Variants in CAP2 observed in about 807,000 individuals in gnomAD.
The protein encoded by CAP2 is adenylyl cyclase-associated protein 2.
CAP2 carries 24 observed loss-of-function variants against 57.7 expected under a neutral mutation model. The observed-to-expected ratio is 0.42, with a 90% CI of 0.30 to 0.58. The LOEUF is 0.58. Ranked by LOEUF, CAP2 falls within the 20% of genes least tolerant of loss-of-function variation. The pLI is 0.22. For missense variants in CAP2, 501 were observed against 590.3 expected, an observed-to-expected ratio of 0.85 and a Z score of 1.57; for synonymous variants, 194 against 207.2, an observed-to-expected ratio of 0.94 and a Z score of 0.55.
At chr6:17,459,042 G>A (rs886333600) in intron 3 of CAP2, among the ~76,000 whole-genome samples, 6 of 152,134 alleles carry the variant, frequency 3.9e-5, no homozygotes, top group African/African-American at 1.4e-4. Context: ...ACATTCCTTA[G>A]GGGAAACGAA....
At chr6:17,527,631 C>G (rs1397426239) in intron 7 of CAP2, among the ~76,000 whole-genome samples, 9 of 128,714 alleles carry the variant, frequency 7.0e-5, no homozygotes, top group Non-Finnish European at 1.4e-4. Context: ...AAGTCTTGCT[C>G]TGTCGCCCAG....
At chr6:17,523,919 C>T (rs369282697) in intron 7 of CAP2, among the ~76,000 whole-genome samples, 46 of 152,128 alleles carry the variant, frequency 3.0e-4, no homozygotes, top group East Asian at 2.1e-3. Flanking sequence ...ACTAAAAATA[C>T]AAAAATTAGC....
At chr6:17,486,461 C>A (rs904054752) in intron 4 of CAP2, among the ~76,000 whole-genome samples, 1 of 152,042 alleles carries the variant, frequency 6.6e-6, no homozygotes, top group Non-Finnish European at 1.5e-5. Flanking sequence ...AAAAAATTAG[C>A]CCGGCATGGT....
chr6:17,430,271 G>T (rs1045254660), intron 3 of CAP2, among the ~76,000 whole-genome samples: 23 of 152,296 alleles, frequency 1.5e-4, no homozygotes, highest in Non-Finnish European at 2.9e-5. Context: ...GAAAAGATTA[G>T]AACTTGTAAA....
At chr6:17,530,693 A>G (rs1191673013) in intron 7 of CAP2, among the ~76,000 whole-genome samples, 1 of 152,196 alleles carries the variant, frequency 6.6e-6, no homozygotes, top group East Asian at 1.9e-4. Context: ...GTGGCTCACA[A>G]CAGTACTACC....
In CAP2 at chr6:17,531,481, T is replaced by G. The variant is rs569301495; in HGVS notation, c.637-7788T>G. On this transcript the variant is annotated intron_variant, in intron 7 of 12. Transcript: ENST00000229922. The stretch of plus-strand genomic sequence containing the variant: ...TATATTCCTTGTGATAGTGCTTCGC[T>G]TTTTCATAGATAAGCTTCTTCCTTG... 4 of 1,496,884 alleles carry G rather than the reference T, an allele frequency of 2.7e-6. No individual in the cohort carries two copies. The East Asian group carries it at 9.0e-5, about 34-fold the overall frequency. 92.7% of individuals were successfully genotyped at this position (1,496,884 alleles called of 1,614,324 possible).
chr6:17,422,760 C>T (rs1759482548), intron 2 of CAP2, among the ~76,000 whole-genome samples: 1 of 152,132 alleles, frequency 6.6e-6, no homozygotes, highest in South Asian at 2.1e-4. Context: ...CCACATATGG[C>T]AAGCTCTCCA....
chr6:17,405,498 GTCTCTCTCTCTCTC>G (rs57158664), intron 1 of CAP2, among the ~76,000 whole-genome samples: 93 of 148,514 alleles, frequency 6.3e-4, no homozygotes, highest in African/African-American at 1.8e-3. Flanking sequence ...TGAATGTGGA[GTCTCTCTCTCTCTC>G]TCTCTCTCTC....
At chr6:17,420,703 A>G (rs1215385263) in intron 1 of CAP2, among the ~76,000 whole-genome samples, 1 of 152,218 alleles carries the variant, frequency 6.6e-6, no homozygotes, top group Non-Finnish European at 1.5e-5. Flanking sequence ...TAAGTGCTGT[A>G]CATAGATTGT....
intron 4 of CAP2, among the ~76,000 whole-genome samples, chr6:17,491,843 G>A (rs1395959399): frequency 2.0e-5 from 3 of 152,214 alleles, no homozygotes; most frequent in African/African-American, 2.4e-5. Context: ...AGTACAGTGC[G>A]TGATTTATAG....
chr6:17,489,932 C>G (rs1328753952), intron 4 of CAP2, among the ~76,000 whole-genome samples: 2 of 151,994 alleles, frequency 1.3e-5, no homozygotes, highest in African/African-American at 4.8e-5. Flanking sequence ...TTGAGGTTGT[C>G]AAATACAGGA....
intron 2 of CAP2, among the ~76,000 whole-genome samples, chr6:17,426,294 G>A (rs543108295): frequency 1.0e-4 from 15 of 147,404 alleles, no homozygotes; most frequent in African/African-American, 2.8e-4. Context: ...GTGCAGTGGC[G>A]CGATCTCGAC....
At chr6:17,504,996 T>A (rs1353955170) in intron 4 of CAP2, among the ~76,000 whole-genome samples, 1 of 152,306 alleles carries the variant, frequency 6.6e-6, no homozygotes, top group East Asian at 1.9e-4. Context: ...CAAATGAATA[T>A]CACATATTAC....
chr6:17,432,387 T>A (rs922402958), intron 3 of CAP2, among the ~76,000 whole-genome samples: 1 of 152,190 alleles, frequency 6.6e-6, no homozygotes, highest in Non-Finnish European at 1.5e-5. Context: ...CATGTCGTTC[T>A]CCTCACCTCC....
At chr6:17,474,371 A>T (rs1168545434) in intron 4 of CAP2, among the ~76,000 whole-genome samples, 1 of 151,908 alleles carries the variant, frequency 6.6e-6, no homozygotes, top group Non-Finnish European at 1.5e-5. Flanking sequence ...TGCTTTGAGA[A>T]CTAGTGTTTC....
chr6:17,539,815 C>T (rs1459543037), intron 8 of CAP2, among the ~76,000 whole-genome samples: 4 of 152,222 alleles, frequency 2.6e-5, no homozygotes. Context: ...CATGGTGGCT[C>T]ACACCTGTAA....
intron 1 of CAP2, among the ~76,000 whole-genome samples, chr6:17,411,301 T>C (rs968826399): frequency 4.6e-5 from 7 of 152,242 alleles, no homozygotes; most frequent in African/African-American, 7.2e-5. Context: ...TTATTTCTCT[T>C]GAGTAAAATA....
chr6:17,418,017 C>T (rs1759333058), intron 1 of CAP2, among the ~76,000 whole-genome samples: 1 of 152,156 alleles, frequency 6.6e-6, no homozygotes, highest in Non-Finnish European at 1.5e-5. Context: ...CAAAACTTGG[C>T]TAAATCCACT....
intron 4 of CAP2, among the ~76,000 whole-genome samples, chr6:17,479,171 G>A (rs956569120): frequency 1.2e-4 from 18 of 152,088 alleles, no homozygotes; most frequent in Non-Finnish European, 2.2e-4. Flanking sequence ...TGTCCTCCAG[G>A]AGCTCAAATG....
Sources: gnomAD v4.1 joint callset for allele counts (sites outside exome capture counted in the v4.1 genomes callset) on GRCh38, gnomAD v4.1.1 for gene constraint, MANE v1.5 for transcripts, NCBI Gene and HGNC (gene_info 2026-07-23, HGNC 2026-07-21) for gene names.